Variants in VMP1 observed in about 807,000 individuals in gnomAD.
The protein encoded by VMP1 is ectopic P-granules autophagy protein 3 homolog.
Under a neutral mutation model 56.0 loss-of-function variants are expected in VMP1, and 11 were observed. The observed-to-expected ratio is 0.20, with a 90% CI of 0.12 to 0.32. The LOEUF (loss-of-function observed/expected upper bound fraction) is 0.32. VMP1 is among the 10% of genes least tolerant of loss of function. The pLI is 1.00. For missense variants in VMP1, 296 were observed against 490.3 expected, an observed-to-expected ratio of 0.60 and a Z score of 3.74; for synonymous variants, 149 against 165.0, an observed-to-expected ratio of 0.90 and a Z score of 0.74.
At chr17:59,712,179 A>G (rs1224830021) in intron 1 of VMP1, among the ~76,000 whole-genome samples, 2 of 152,132 alleles carry the variant, frequency 1.3e-5, no homozygotes, top group African/African-American at 4.8e-5. Flanking sequence ...CCCCTAAGCT[A>G]TTGCCAAGAA....
chr17:59,756,804 A>C (rs2143940127), intron 5 of VMP1, among the ~76,000 whole-genome samples: 2 of 152,338 alleles, frequency 1.3e-5, no homozygotes, highest in Middle Eastern at 3.4e-3. Context: ...TTTCGTTTTT[A>C]AAAGATATCT....
intron 6 of VMP1, among the ~76,000 whole-genome samples, chr17:59,768,751 G>A (rs1255113853): frequency 6.6e-6 from 1 of 152,110 alleles, no homozygotes; most frequent in Non-Finnish European, 1.5e-5. Context: ...GGGAGGCCAA[G>A]GCAGGCAGAG....
At chr17:59,779,316 C>G (rs2036738253) in intron 7 of VMP1, among the ~76,000 whole-genome samples, 1 of 152,148 alleles carries the variant, frequency 6.6e-6, no homozygotes, top group African/African-American at 2.4e-5. Flanking sequence ...CCAGAACATT[C>G]ACTTTTGTCT....
At chr17:59,721,734 C>T (rs1276720208) in intron 1 of VMP1, among the ~76,000 whole-genome samples, 7 of 152,050 alleles carry the variant, frequency 4.6e-5, no homozygotes, top group African/African-American at 1.7e-4. Flanking sequence ...CAAAACAAAA[C>T]AAAACAAAAC....
At chr17:59,728,899 T>C (rs2034710395) in intron 1 of VMP1, among the ~76,000 whole-genome samples, 1 of 152,142 alleles carries the variant, frequency 6.6e-6, no homozygotes, top group South Asian at 2.1e-4. Context: ...TAGAACATTA[T>C]CATCACCCCA....
intron 7 of VMP1, among the ~76,000 whole-genome samples, chr17:59,797,524 A>G (rs2037485609): frequency 6.6e-6 from 1 of 152,218 alleles, no homozygotes; most frequent in South Asian, 2.1e-4. Flanking sequence ...CCTGGACATA[A>G]TATAATGTTA....
chr17:59,838,642 C>T (rs917755153), intron 11 of VMP1: 1 of 467,954 alleles, frequency 2.1e-6, no homozygotes. Context: ...GGTTCTGTTA[C>T]ATAGAATGAG....
intron 1 of VMP1, among the ~76,000 whole-genome samples, chr17:59,714,862 G>A (rs574147945): frequency 3.5e-4 from 53 of 152,110 alleles, no homozygotes; most frequent in Non-Finnish European, 5.9e-5. Context: ...TAATTTTTTT[G>A]GTAGGGATGG....
At chr17:59,776,256 G>T (rs1454130798) in intron 7 of VMP1, among the ~76,000 whole-genome samples, 3 of 152,000 alleles carry the variant, frequency 2.0e-5, no homozygotes, top group Non-Finnish European at 2.9e-5. Flanking sequence ...ACCAAGTATG[G>T]TTATAGTTTT....
intron 10 of VMP1, among the ~76,000 whole-genome samples, chr17:59,836,630 T>A (rs1311871541): frequency 6.6e-6 from 1 of 151,994 alleles, no homozygotes; most frequent in Non-Finnish European, 1.5e-5. Context: ...TCAGTTCGTG[T>A]GTGTGTGTGC....
At chr17:59,770,579 T>C (rs944278155) in intron 6 of VMP1, among the ~76,000 whole-genome samples, 1 of 151,852 alleles carries the variant, frequency 6.6e-6, no homozygotes. Context: ...TCTGATTACG[T>C]TTATTTCTTT....
At chr17:59,755,183 C>T (rs1212605586) in intron 5 of VMP1, among the ~76,000 whole-genome samples, 1 of 151,758 alleles carries the variant, frequency 6.6e-6, no homozygotes, top group Non-Finnish European at 1.5e-5. Flanking sequence ...TCTTGGCTCA[C>T]GGCAAACTCC....
chr17:59,717,215 C>T (rs1162117015), intron 1 of VMP1, among the ~76,000 whole-genome samples: 1 of 151,924 alleles, frequency 6.6e-6, no homozygotes, highest in Non-Finnish European at 1.5e-5. Context: ...CGTGATCCGC[C>T]CGCTTCGGCC....
intron 10 of VMP1, among the ~76,000 whole-genome samples, chr17:59,820,760 T>C (rs1011337619): frequency 1.3e-5 from 2 of 152,212 alleles, no homozygotes; most frequent in Non-Finnish European, 2.9e-5. Flanking sequence ...GCGTCTTGAC[T>C]GACATATAGC....
chr17:59,766,051 G>A (rs754224968), intron 6 of VMP1, among the ~76,000 whole-genome samples: 2 of 152,004 alleles, frequency 1.3e-5, no homozygotes, highest in Non-Finnish European at 2.9e-5. Flanking sequence ...TTGTGTGTGT[G>A]TATATGTATG....
At chr17:59,811,858 T>C (rs1598429041) in intron 9 of VMP1, 72 bp downstream of exon 9, 3 of 1,064,204 alleles carry the variant, frequency 2.8e-6, no homozygotes, top group East Asian at 4.8e-5. Context: ...TGCTCATTCC[T>C]AAGTGAATTA....
intron 1 of VMP1, among the ~76,000 whole-genome samples, chr17:59,709,384 C>A (rs956787171): frequency 2.6e-5 from 4 of 152,094 alleles, no homozygotes; most frequent in Non-Finnish European, 4.4e-5. Flanking sequence ...ATCAGAAGAC[C>A]TGGATTGAAG....
chr17:59,750,302 A>AT (rs201862660), intron 5 of VMP1, among the ~76,000 whole-genome samples: 62,953 of 143,070 alleles, frequency 0.44, 15,750 homozygotes, highest in African/African-American at 0.7. Flanking sequence ...ACAATGAATA[A>AT]TTTTTTTTTT....
chr17:59,761,199 C>G (rs1319562737), intron 5 of VMP1, among the ~76,000 whole-genome samples: 1 of 152,240 alleles, frequency 6.6e-6, no homozygotes, highest in East Asian at 1.9e-4. Flanking sequence ...CCGCACCCAG[C>G]CCATGTGTTT....
Sources: allele counts gnomAD v4.1 joint callset (sites outside exome capture counted in the v4.1 genomes callset), GRCh38; gene constraint gnomAD v4.1.1; transcripts MANE v1.5; gene names NCBI Gene and HGNC (gene_info 2026-07-23, HGNC 2026-07-21).